The following STXBP4 variants were observed in gnomAD, a reference collection of about 807,000 sequenced individuals.
The protein encoded by STXBP4 is syntaxin binding protein 4.
A neutral mutation model predicts 76.1 loss-of-function variants in STXBP4; 55 were observed. The ratio of observed to expected loss-of-function variants is 0.72; its 90% CI spans 0.58 to 0.91. STXBP4 has a LOEUF of 0.91. STXBP4 is among the 40% of genes least tolerant of loss of function. STXBP4 has a pLI of 0.00. For synonymous variants in STXBP4, 201 were observed against 220.2 expected, an observed-to-expected ratio of 0.91 and a Z score of 0.77; for missense variants, 618 against 636.9, an observed-to-expected ratio of 0.97 and a Z score of 0.32.
At chr17:54,994,770 G>A (rs1598172179) in intron 4 of STXBP4, among the ~76,000 whole-genome samples, 1 of 151,412 alleles carries the variant, frequency 6.6e-6, no homozygotes, top group East Asian at 1.9e-4. Context: ...TGCTTCCAGA[G>A]TAGCATTTTC....
At chr17:55,147,979 C>A (rs1463415354) in intron 17 of STXBP4, among the ~76,000 whole-genome samples, 1 of 152,158 alleles carries the variant, frequency 6.6e-6, no homozygotes, top group African/African-American at 2.4e-5. Context: ...GACAGGAACT[C>A]TGCCATGATG....
At chr17:55,075,661 C>T (rs2079173370) in intron 13 of STXBP4, among the ~76,000 whole-genome samples, 1 of 152,088 alleles carries the variant, frequency 6.6e-6, no homozygotes, top group Non-Finnish European at 1.5e-5. Flanking sequence ...TTGTTTACCC[C>T]GCATACTTGC....
intron 8 of STXBP4, among the ~76,000 whole-genome samples, chr17:55,017,393 G>A (rs11079147): frequency 0.35 from 53,688 of 151,940 alleles, 10,543 homozygotes; most frequent in East Asian, 0.54. Context: ...AGACACCAGG[G>A]ACAAGACTCC....
chr17:55,084,354 T>A (rs1352778793), intron 16 of STXBP4, among the ~76,000 whole-genome samples: 1 of 152,226 alleles, frequency 6.6e-6, no homozygotes, highest in South Asian at 2.1e-4. Context: ...TAAATTTGTT[T>A]GAATTCATTG....
At chr17:55,211,107 A>C in the STXBP4 span, among the ~76,000 whole-genome samples, 2 of 151,886 alleles carry the variant, frequency 1.3e-5, no homozygotes, top group East Asian at 3.9e-4. Flanking sequence ...CCCCCCATGA[A>C]ATTTGTCACT....
At chr17:54,974,642 G>A (rs560836260) in intron 1 of STXBP4, among the ~76,000 whole-genome samples, 5 of 152,334 alleles carry the variant, frequency 3.3e-5, no homozygotes, top group Admixed American at 2.0e-4. Flanking sequence ...TGTAGGACAT[G>A]CAAGCCCCCA....
chr17:54,968,855 C>G (rs1377480043), intron 1 of STXBP4, 40 bp downstream of exon 1: 1 of 558,328 alleles, frequency 1.8e-6, no homozygotes, highest in Admixed American at 3.1e-5. Context: ...ACTCCCACTT[C>G]GCTTCTCGCC....
intron 16 of STXBP4, among the ~76,000 whole-genome samples, chr17:55,108,381 C>T (rs941401256): frequency 2.0e-5 from 3 of 152,200 alleles, no homozygotes; most frequent in African/African-American, 7.2e-5. Context: ...GACCCCTTGG[C>T]TCCCTGGCTT....
At chr17:55,188,114 A>C in the STXBP4 span, among the ~76,000 whole-genome samples, 10 of 152,224 alleles carry the variant, frequency 6.6e-5, no homozygotes, top group Non-Finnish European at 1.2e-4. Flanking sequence ...CTGCCTCTCC[A>C]TTGAAGATAA....
intron 4 of STXBP4, among the ~76,000 whole-genome samples, chr17:54,997,574 A>T (rs894593815): frequency 6.9e-6 from 1 of 145,872 alleles, no homozygotes; most frequent in East Asian, 2.0e-4. Context: ...ATTATATAAT[A>T]TAAATATATA....
intron 16 of STXBP4, among the ~76,000 whole-genome samples, chr17:55,100,636 G>GT (rs1435698249): frequency 6.6e-6 from 1 of 152,170 alleles, no homozygotes; most frequent in Non-Finnish European, 1.5e-5. Flanking sequence ...AGAAGACTTG[G>GT]TTTTTAAAGG....
At chr17:55,210,559 C>T in the STXBP4 span, among the ~76,000 whole-genome samples, 1 of 152,198 alleles carries the variant, frequency 6.6e-6, no homozygotes, top group African/African-American at 2.4e-5. Context: ...GATGGTTTTA[C>T]TCAGTGTGCC....
At chr17:55,121,347 G>A (rs2079841719) in intron 16 of STXBP4, among the ~76,000 whole-genome samples, 1 of 152,156 alleles carries the variant, frequency 6.6e-6, no homozygotes, top group Non-Finnish European at 1.5e-5. Context: ...TGGAACCAAA[G>A]TGAGGTTGGG....
At chr17:55,097,826 A>G (rs1053654873) in intron 16 of STXBP4, among the ~76,000 whole-genome samples, 6 of 152,224 alleles carry the variant, frequency 3.9e-5, no homozygotes, top group African/African-American at 1.4e-4. Flanking sequence ...ACTCTATGGC[A>G]TAATAGATTT....
rs534800898 is a variant in STXBP4, at chr17:54,980,925, AT to A, written c.-156-4682del. Among the ~76,000 whole-genome samples, 12 of 111,306 alleles carry A rather than the reference AT, an allele frequency of 1.1e-4. No homozygotes were observed. The East Asian group carries it at 2.1e-3, about 19-fold the overall frequency. 73.0% of individuals were successfully genotyped at this position (111,306 alleles called of 152,430 possible). ...TTCGTAAACTTTCTTAAAACATGAG[AT>A]TTTTTTGCGTTTTTTTTTTGTTGTT... On this transcript the variant is annotated intron_variant, in intron 1 of 17. Transcript: ENST00000376352.
the STXBP4 span, among the ~76,000 whole-genome samples, chr17:55,204,889 C>T: frequency 1.3e-5 from 2 of 151,622 alleles, no homozygotes; most frequent in Non-Finnish European, 2.9e-5. Flanking sequence ...GAGCTACATA[C>T]ACATATACAT....
At position 55,034,208 on chromosome 17, in the gene STXBP4, G is replaced by A; in HGVS notation, c.804G>A (p.Leu268=). The A allele has an allele frequency of 6.2e-7, 1 of 1,611,966 alleles. No homozygotes were observed. Among genetic ancestry groups the A allele is most frequent in the Non-Finnish European group, 8.5e-7 (1 of 1,178,730 alleles). Residue 268 remains leucine (L), a synonymous_variant, in exon 10 of 18, where the codon TTG becomes TTA. Transcript: ENST00000376352. Reference sequence around the variant, plus strand: ...CCAGAAACTTGTTTTGCTTGCAGTTGGATGAAGTAAATGTTGGTGCACATG... The same window carrying A: ...CCAGAAACTTGTTTTGCTTGCAGTTAGATGAAGTAAATGTTGGTGCACATG... ...QVARNLFCLQ[L]DEVNVGAHEI... is the part of the protein sequence containing the mutation.
At position 55,078,205 on chromosome 17, in the gene STXBP4, C is replaced by A; in HGVS notation, c.1305+11C>A. 1.3e-6 allele frequency: 2 copies of A among 1,553,108 alleles called. No homozygotes were observed. The highest frequency in any genetic ancestry group is 1.1e-5 in the South Asian group (1 of 88,350). ...CTTCATTTTGTAGAGGTAAGTTTTT[C>A]TGTTCTATTACATTCATCTTTAAAA... On this transcript the variant is annotated intron_variant, in intron 14 of 17. Coordinates refer to ENST00000376352, the MANE Select transcript of STXBP4 (RefSeq NM_178509.6).
chr17:55,126,705 T>G (rs2145108197), intron 16 of STXBP4, among the ~76,000 whole-genome samples: 1 of 152,286 alleles, frequency 6.6e-6, no homozygotes, highest in South Asian at 2.1e-4. Context: ...GACAAGGAGA[T>G]TCTGGTGCGT....
Sources: allele counts gnomAD v4.1 joint callset (sites outside exome capture counted in the v4.1 genomes callset), GRCh38; gene constraint gnomAD v4.1.1; transcripts MANE v1.5; gene names NCBI Gene and HGNC (gene_info 2026-07-23, HGNC 2026-07-21).